Variants in GLI2 observed in about 807,000 individuals in gnomAD.
GLI2 encodes GLI family zinc finger 2.
Under a neutral mutation model 78.9 loss-of-function variants are expected in GLI2, and 22 were observed. The observed-to-expected ratio is 0.28, with a 90% CI of 0.20 to 0.40. The LOEUF (loss-of-function observed/expected upper bound fraction) is 0.40, where lower values mean the gene tolerates loss of function less well. Ranked by LOEUF, GLI2 falls within the 10% of genes least tolerant of loss-of-function variation. The pLI, the probability that GLI2 is intolerant of heterozygous loss-of-function variation, is 1.00. For missense variants in GLI2, 2,097 were observed against 2,213.2 expected (o/e 0.95, Z 1.05); for synonymous variants, 974 against 963.7 (o/e 1.01, Z -0.20).
intron 5 of GLI2, among the ~76,000 whole-genome samples, chr2:120,956,386 C>A (rs561434354): frequency 6.6e-6 from 1 of 152,088 alleles, no homozygotes; most frequent in African/African-American, 2.4e-5. Flanking sequence ...CTGTTAGACA[C>A]GAAGTCCTTC....
rs745666636 is a variant in GLI2, at chr2:120,971,960, C to T, written c.1079C>T (p.Ser360Leu). 1.1e-5 allele frequency: 18 copies of T among 1,613,576 alleles called. No homozygotes were observed. Among genetic ancestry groups the T allele is most frequent in the Admixed American group, 3.3e-5 (2 of 60,014 alleles). ...CCTCAGAACAAGCAGAGCAGTGAGT[C>T]GGCCGTCAGCAGCACCGTCAACCCT... is the stretch of plus-strand genomic sequence containing the variant. The part of the protein sequence containing the change: ...DTNQNKQSSE[S>L]AVSSTVNPVA... Residue 360 changes from serine (S) to leucine (L), a missense_variant, in exon 8 of 14, where the codon TCG becomes TTG. Ser to Leu is a moderately radical substitution (Grantham distance 145). Around this residue, in one of 5 missense-constraint regions of GLI2, gnomAD observed 578 missense variants for 612.0 expected, o/e 0.94. Transcript: ENST00000361492.
chr2:120,876,185 C>CA (rs1389443919), intron 2 of GLI2, among the ~76,000 whole-genome samples: 1 of 152,052 alleles, frequency 6.6e-6, no homozygotes, highest in Admixed American at 6.5e-5. Context: ...ACTAAAAATA[C>CA]AAAAAACTTA....
intron 9 of GLI2, among the ~76,000 whole-genome samples, chr2:120,977,222 C>T (rs1682496303): frequency 6.6e-6 from 1 of 152,160 alleles, no homozygotes; most frequent in Admixed American, 6.5e-5. Flanking sequence ...TCCAGCAGAA[C>T]AATATTACAG....
chr2:120,784,985 C>G (rs1281317351), intron 1 of GLI2, among the ~76,000 whole-genome samples: 2 of 152,222 alleles, frequency 1.3e-5, no homozygotes, highest in Non-Finnish European at 2.9e-5. Flanking sequence ...GATTGGCACA[C>G]AGTAGGCCCT....
chr2:120,984,854 G>A, intron 12 of GLI2, 111 bp downstream of exon 12: 1 of 1,083,328 alleles, frequency 9.2e-7, no homozygotes, highest in Non-Finnish European at 1.4e-6. Context: ...TAGGGGCACA[G>A]CGATATCCCT....
intron 2 of GLI2, among the ~76,000 whole-genome samples, chr2:120,850,434 G>C (rs1449657448): frequency 6.6e-6 from 1 of 152,198 alleles, no homozygotes; most frequent in Non-Finnish European, 1.5e-5. Flanking sequence ...TGGGAAATTA[G>C]CAATGAAACT....
At chr2:120,810,996 A>C (rs1006069099) in intron 2 of GLI2, among the ~76,000 whole-genome samples, 1 of 152,222 alleles carries the variant, frequency 6.6e-6, no homozygotes, top group Non-Finnish European at 1.5e-5. Flanking sequence ...CCCTGGGGGC[A>C]ACTTATTGGC....
chr2:120,896,502 G>T (rs576442817), intron 2 of GLI2, among the ~76,000 whole-genome samples: 9 of 152,264 alleles, frequency 5.9e-5, no homozygotes, highest in Admixed American at 2.0e-4. Context: ...GTTCTGAAGG[G>T]TGAAACTCTG....
At chr2:120,774,578 G>A (rs904630919) in intron 1 of GLI2, among the ~76,000 whole-genome samples, 4 of 152,152 alleles carry the variant, frequency 2.6e-5, no homozygotes, top group African/African-American at 4.8e-5. Flanking sequence ...TTGGTAACCC[G>A]TGGCCTGGTC....
In GLI2 at chr2:120,986,413, G is replaced by A. The variant is rs763588841; in HGVS notation, c.2041G>A (p.Asp681Asn). 6.2e-7 allele frequency: 1 copy of A among 1,613,732 alleles called. No individual in the cohort carries two copies. The highest frequency in any genetic ancestry group is 1.7e-5 in the Admixed American group (1 of 59,998). ...GAGCCTGGGAGACCTGACGGCACTG[G>A]ATGACACACCCCCAGGGGCCGACAC... is the stretch of plus-strand genomic sequence containing the variant. ...PGSLGDLTAL[D>N]DTPPGADTSA... The change falls in exon 13 of 14, where the codon GAT (aspartate) becomes AAT (asparagine). Residue 681 changes from aspartate to asparagine, a missense_variant. Transcript: ENST00000361492.
At chr2:120,942,106 G>A (rs1680476443) in intron 3 of GLI2, among the ~76,000 whole-genome samples, 1 of 152,142 alleles carries the variant, frequency 6.6e-6, no homozygotes, top group Non-Finnish European at 1.5e-5. Context: ...CACTAGTGAC[G>A]GTGATGTCTG....
At chr2:120,959,780 C>G (rs1415020069) in intron 5 of GLI2, among the ~76,000 whole-genome samples, 1 of 152,176 alleles carries the variant, frequency 6.6e-6, no homozygotes, top group Non-Finnish European at 1.5e-5. Context: ...CTCCAGACCA[C>G]ACAGCAGAGA....
rs772224406 is a variant in GLI2, at chr2:120,988,563, G to A, written c.2598G>A (p.Pro866=). 115 of 1,499,252 alleles carry A rather than the reference G, an allele frequency of 7.7e-5. No individual in the cohort carries two copies. In the East Asian group the frequency reaches 3.1e-3, roughly 40 times the overall value. The allele number at this position is 1,499,252 out of a possible 1,614,324, so 92.9% of individuals were successfully genotyped here. A position where few individuals can be genotyped will look rare whatever the true frequency, so the allele number is the denominator to read the frequency against. Residue 866 remains proline, a synonymous_variant, in exon 14 of 14, where the codon CCG becomes CCA. Coordinates refer to ENST00000361492, the MANE Select transcript of GLI2 (RefSeq NM_001374353.1). The part of the protein sequence containing the change: ...SGGSGLLNLT[P]AQQYSLRAKY... ...GCTCCGGGCTGCTCAACCTCACGCC[G>A]GCGCAGCAGTACAGCCTGCGGGCCA...
At chr2:120,912,925 G>T (rs537880160) in intron 2 of GLI2, among the ~76,000 whole-genome samples, 1 of 152,280 alleles carries the variant, frequency 6.6e-6, no homozygotes, top group African/African-American at 2.4e-5. Context: ...TCCCTTGGGC[G>T]GGGCACCGGC....
chr2:120,981,338 GTTTC>G (rs1682710982), intron 10 of GLI2, among the ~76,000 whole-genome samples: 1 of 152,122 alleles, frequency 6.6e-6, no homozygotes, highest in South Asian at 2.1e-4. Flanking sequence ...AAGTGTCTGG[GTTTC>G]TTTCTGAACT....
intron 3 of GLI2, 48 bp downstream of exon 3, chr2:120,927,514 A>G (rs899323110): frequency 1.4e-5 from 18 of 1,310,068 alleles, no homozygotes; most frequent in Non-Finnish European, 1.8e-5. Context: ...GTCACCTGCC[A>G]TGGGGAGGCT....
chr2:120,889,633 A>T (rs1437431277), intron 2 of GLI2, among the ~76,000 whole-genome samples: 1 of 152,194 alleles, frequency 6.6e-6, no homozygotes, highest in Admixed American at 6.5e-5. Context: ...ACTCAACAGT[A>T]AAAAAGAAAC....
At chr2:120,748,406 G>A (rs1407862276) in intron 1 of GLI2, among the ~76,000 whole-genome samples, 1 of 152,180 alleles carries the variant, frequency 6.6e-6, no homozygotes, top group Non-Finnish European at 1.5e-5. Flanking sequence ...GGCCAGACTG[G>A]GTCTTCCAGG....
intron 1 of GLI2, among the ~76,000 whole-genome samples, chr2:120,762,735 C>A (rs1210625152): frequency 2.0e-5 from 3 of 152,222 alleles, no homozygotes; most frequent in African/African-American, 7.2e-5. Flanking sequence ...ATCCCACCAT[C>A]CCACCATGAA....
Sources: gnomAD v4.1 joint callset for allele counts (sites outside exome capture counted in the v4.1 genomes callset) on GRCh38, gnomAD v4.1.1 for gene constraint, gnomAD v4.1.1 regional missense constraint, MANE v1.5 for transcripts, NCBI Gene and HGNC (gene_info 2026-07-23, HGNC 2026-07-21) for gene names.